Variants in POLD3 observed in about 807,000 individuals in gnomAD.
POLD3 encodes DNA polymerase delta 3, accessory subunit.
Under a neutral mutation model 58.2 loss-of-function variants are expected in POLD3, and 19 were observed. The ratio of observed to expected loss-of-function variants is 0.33; its 90% CI spans 0.23 to 0.48. POLD3 has a LOEUF of 0.48. Ranked by LOEUF, POLD3 falls within the 20% of genes least tolerant of loss-of-function variation. POLD3 has a pLI of 0.99. For synonymous variants in POLD3, 172 were observed against 193.5 expected (o/e 0.89, Z 0.92); for missense variants, 504 against 545.5 (o/e 0.92, Z 0.76).
intron 11 of POLD3, 101 bp from the exon 12 acceptor site, chr11:74,640,463 G>T (rs1024615790): frequency 1.0e-5 from 14 of 1,380,312 alleles, no homozygotes; most frequent in Non-Finnish European, 1.2e-5. Flanking sequence ...TATTTGCCTT[G>T]ATCAGAGTCT....
At chr11:74,636,149 G>T (rs980532802) in intron 10 of POLD3, 48 bp from the exon 11 acceptor site, 1 of 1,550,246 alleles carries the variant, frequency 6.5e-7, no homozygotes, top group Non-Finnish European at 8.8e-7. Flanking sequence ...TTATTTTTCT[G>T]TATAACATAA....
At chr11:74,640,316 T>A (rs2135183911) in intron 11 of POLD3, among the ~76,000 whole-genome samples, 2 of 152,268 alleles carry the variant, frequency 1.3e-5, no homozygotes, top group Admixed American at 1.3e-4. Flanking sequence ...AGGCATGGGA[T>A]ATAGCTGTGA....
At chr11:74,627,198 A>G (rs756160921) in intron 8 of POLD3, among the ~76,000 whole-genome samples, 8 of 152,150 alleles carry the variant, frequency 5.3e-5, no homozygotes, top group Non-Finnish European at 1.0e-4. Flanking sequence ...CAAAATGTGG[A>G]GGTGGAAGAC....
downstream of POLD3, among the ~76,000 whole-genome samples, chr11:74,646,058 C>T (rs886854173): frequency 1.3e-5 from 2 of 152,174 alleles, no homozygotes; most frequent in Middle Eastern, 3.4e-3. Flanking sequence ...CTGCAACCTC[C>T]GCTTCCCAGG....
At chr11:74,647,521 TG>T (rs1211639936), downstream of POLD3, among the ~76,000 whole-genome samples, 1 of 152,212 alleles carries the variant, frequency 6.6e-6, no homozygotes, top group Non-Finnish European at 1.5e-5. Flanking sequence ...TGAGACTTTG[TG>T]TCTTCAGATG....
chr11:74,619,469 C>A (rs1333905299), intron 6 of POLD3, among the ~76,000 whole-genome samples: 1 of 152,112 alleles, frequency 6.6e-6, no homozygotes, highest in African/African-American at 2.4e-5. Context: ...TGGAGGAAAA[C>A]ACTAACGTTT....
intron 4 of POLD3, among the ~76,000 whole-genome samples, chr11:74,665,765 A>G (rs1390759036): frequency 6.6e-6 from 1 of 152,188 alleles, no homozygotes; most frequent in African/African-American, 2.4e-5. Flanking sequence ...TCTACCTCAT[A>G]AAGGGTATCA....
intron 5 of POLD3, 145 bp downstream of exon 5, chr11:74,613,155 A>C: frequency 1.4e-6 from 1 of 735,390 alleles, no homozygotes; most frequent in Non-Finnish European, 2.2e-6. Flanking sequence ...TTTTATTAGT[A>C]CATCATAAGG....
At chr11:74,648,673 A>G (rs1282508202) in intron 4 of POLD3, among the ~76,000 whole-genome samples, 2 of 152,206 alleles carry the variant, frequency 1.3e-5, no homozygotes, top group African/African-American at 4.8e-5. Context: ...ATGGTTGGCT[A>G]TGAGGCCATA....
At chr11:74,616,339 T>C (rs2032078390) in intron 5 of POLD3, among the ~76,000 whole-genome samples, 2 of 152,224 alleles carry the variant, frequency 1.3e-5, no homozygotes, top group Admixed American at 6.5e-5. Flanking sequence ...ATCTCACTTA[T>C]GATTTCGTGT....
At position 74,619,415 on chromosome 11, in the gene POLD3, G is replaced by C. The variant is rs116156475; in HGVS notation, c.661-602G>C. 2.6e-3 allele frequency among the ~76,000 whole-genome samples: 390 copies of C among 152,168 alleles called. 2 individuals are homozygous for C. Among genetic ancestry groups the C allele is most frequent in the African/African-American group, 9.1e-3 (376 of 41,504 alleles). On this transcript the variant is annotated intron_variant, in intron 6 of 11. Transcript: ENST00000263681. ...TCCAGTGTCAAGTGTATTTAATTCA[G>C]ATCACTGTCATTTTCAAGCGTCTGT...
At chr11:74,597,468 A>C (rs2031316123) in intron 2 of POLD3, among the ~76,000 whole-genome samples, 1 of 152,124 alleles carries the variant, frequency 6.6e-6, no homozygotes, top group African/African-American at 2.4e-5. Context: ...CATCATTATT[A>C]TTATTGTTTT....
chr11:74,611,579 C>T (rs1373242060), intron 4 of POLD3, 41 bp downstream of exon 4: 2 of 1,184,440 alleles, frequency 1.7e-6, no homozygotes, highest in African/African-American at 1.5e-5. Flanking sequence ...CCTCTTATGG[C>T]ATCAGTGTAG....
At chr11:74,665,555 C>A (rs2033258655) in intron 4 of POLD3, among the ~76,000 whole-genome samples, 1 of 151,856 alleles carries the variant, frequency 6.6e-6, no homozygotes, top group East Asian at 2.0e-4. Context: ...CATGCGCTAC[C>A]ACACCCGGCT....
chr11:74,660,714 C>G (rs911412139), intron 4 of POLD3, among the ~76,000 whole-genome samples: 2 of 152,142 alleles, frequency 1.3e-5, no homozygotes, highest in African/African-American at 4.8e-5. Flanking sequence ...CACTCTTCCT[C>G]CTTCTCTGGC....
chr11:74,660,154 C>G (rs1056270085), intron 4 of POLD3, among the ~76,000 whole-genome samples: 20 of 152,164 alleles, frequency 1.3e-4, no homozygotes, highest in African/African-American at 3.9e-4. Context: ...CCAGAAACCC[C>G]TGATAAACCC....
At chr11:74,601,622 A>T (rs1325264262) in intron 2 of POLD3, among the ~76,000 whole-genome samples, 1 of 152,128 alleles carries the variant, frequency 6.6e-6, no homozygotes, top group Non-Finnish European at 1.5e-5. Flanking sequence ...GCCTGTTTCT[A>T]CCAGGAAGAA....
intron 4 of POLD3, among the ~76,000 whole-genome samples, chr11:74,654,303 A>G (rs1253242987): frequency 1.3e-5 from 2 of 152,244 alleles, no homozygotes; most frequent in Non-Finnish European, 2.9e-5. Flanking sequence ...CTATATTAAT[A>G]TCACATGAAG....
chr11:74,605,160 C>G (rs1428293938), intron 3 of POLD3, among the ~76,000 whole-genome samples: 3 of 152,132 alleles, frequency 2.0e-5, no homozygotes, highest in Non-Finnish European at 4.4e-5. Flanking sequence ...ATTTTTTTAA[C>G]TGAACTTCTT....
Sources: gnomAD v4.1 joint callset for allele counts (sites outside exome capture counted in the v4.1 genomes callset) on GRCh38, gnomAD v4.1.1 for gene constraint, MANE v1.5 for transcripts, NCBI Gene and HGNC (gene_info 2026-07-23, HGNC 2026-07-21) for gene names.